PTPRT: variants seen among roughly 807,000 people sequenced by gnomAD.
The protein encoded by PTPRT is receptor-type tyrosine-protein phosphatase T.
A neutral mutation model predicts 176.8 loss-of-function variants in PTPRT; 56 were observed. The observed-to-expected ratio is 0.32, with a 90% CI of 0.26 to 0.40. The LOEUF is 0.40. Among genes scored for constraint, PTPRT ranks in the 10% least tolerant of loss-of-function variants. The pLI is 1.00. For missense variants in PTPRT, 1,540 were observed against 1,908.2 expected (o/e 0.81, Z 3.60); for synonymous variants, 783 against 739.0 (o/e 1.06, Z -0.96).
chr20:42,873,960 C>G (rs1016485509), intron 2 of PTPRT, among the ~76,000 whole-genome samples: 2 of 152,098 alleles, frequency 1.3e-5, no homozygotes, highest in Non-Finnish European at 2.9e-5. Flanking sequence ...ATTCAAATTA[C>G]TATAATAGCC....
intron 16 of PTPRT, among the ~76,000 whole-genome samples, chr20:42,182,090 T>C (rs1024840225): frequency 1.7e-4 from 26 of 152,004 alleles, no homozygotes; most frequent in Admixed American, 6.6e-5. Context: ...TTTCAAAGAA[T>C]AGGAAGGAGG....
chr20:43,125,361 C>T (rs979806795), intron 1 of PTPRT, among the ~76,000 whole-genome samples: 2 of 152,130 alleles, frequency 1.3e-5, no homozygotes. Context: ...CTACCACCCA[C>T]ACTGAATGAA....
chr20:42,986,674 T>G (rs1315887907), intron 1 of PTPRT, among the ~76,000 whole-genome samples: 2 of 152,192 alleles, frequency 1.3e-5, no homozygotes, highest in Non-Finnish European at 2.9e-5. Flanking sequence ...CATGCGTCAC[T>G]CACTGTGGGA....
At chr20:42,895,629 T>C (rs140790854) in intron 1 of PTPRT, among the ~76,000 whole-genome samples, 2 of 152,332 alleles carry the variant, frequency 1.3e-5, no homozygotes, top group East Asian at 1.9e-4. Flanking sequence ...AACAATGTTA[T>C]TGTTGTACAG....
chr20:42,617,189 G>A lies in PTPRT; in HGVS notation c.1153+60677C>T, dbSNP rs1186842697. ...GTCAAAGGCTTTTTCCGCATCTATT[G>A]AGATAATCATGTGGTTTTTGTCTTT... On this transcript the variant is annotated intron_variant, in intron 7 of 30. Coordinates refer to ENST00000373187, the MANE Select transcript of PTPRT (RefSeq NM_007050.6). 5.1e-5 allele frequency among the ~76,000 whole-genome samples: 7 copies of A among 136,580 alleles called. No individual in the cohort carries two copies. In the East Asian group the frequency reaches 1.4e-3, roughly 27 times the overall value. The allele number at this position is 136,580 out of a possible 152,430, so 89.6% of individuals were successfully genotyped here. A position where few individuals can be genotyped will look rare whatever the true frequency, so the allele number is the denominator to read the frequency against.
intron 1 of PTPRT, among the ~76,000 whole-genome samples, chr20:43,014,586 A>C (rs1985288435): frequency 6.6e-6 from 1 of 152,080 alleles, no homozygotes; most frequent in Admixed American, 6.5e-5. Flanking sequence ...ACCAACACTG[A>C]GTTTCAGGGG....
At chr20:42,136,232 CT>C (rs397864699) in intron 18 of PTPRT, among the ~76,000 whole-genome samples, 10,800 of 61,958 alleles carry the variant, frequency 0.17, 213 homozygotes, top group Middle Eastern at 0.25. Flanking sequence ...AAGAACAGTG[CT>C]TTTTTTTTTT....
At chr20:42,359,318 A>G (rs1403460856) in intron 9 of PTPRT, among the ~76,000 whole-genome samples, 1 of 152,112 alleles carries the variant, frequency 6.6e-6, no homozygotes, top group Non-Finnish European at 1.5e-5. Context: ...TTTCAACCAG[A>G]AGCAGAGGAG....
chr20:42,206,466 T>G (rs914921500), intron 15 of PTPRT, among the ~76,000 whole-genome samples: 1 of 152,192 alleles, frequency 6.6e-6, no homozygotes, highest in African/African-American at 2.4e-5. Flanking sequence ...ATTGCCTCAC[T>G]TGGGAAGCGC....
intron 16 of PTPRT, among the ~76,000 whole-genome samples, chr20:42,187,913 T>C (rs1012709187): frequency 1.3e-5 from 2 of 152,252 alleles, no homozygotes; most frequent in African/African-American, 4.8e-5. Context: ...ATTAACTTGC[T>C]GAGTGATCCT....
chr20:43,148,372 G>C (rs1195102663), intron 1 of PTPRT, among the ~76,000 whole-genome samples: 1 of 151,810 alleles, frequency 6.6e-6, no homozygotes, highest in Non-Finnish European at 1.5e-5. Context: ...CCCAACTTTT[G>C]AGGCCTCCTG....
rs1419622616 is a variant in PTPRT, at chr20:42,259,346, G to A, written c.2177-10524C>T. ...CTTTTTTTTATCCATGGAAATAGAGGAAAACAGACTTATTTATGAGCAGTC... is the reference window on the plus strand; with the variant it reads ...CTTTTTTTTATCCATGGAAATAGAGAAAAACAGACTTATTTATGAGCAGTC... On this transcript the variant is annotated intron_variant, in intron 13 of 30. Transcript: ENST00000373187. Among the ~76,000 whole-genome samples the A allele has an allele frequency of 2.6e-5, 4 of 152,160 alleles. No homozygotes were observed. The East Asian group carries it at 7.7e-4, about 29-fold the overall frequency.
chr20:43,027,181 A>C (rs2146189318), intron 1 of PTPRT, among the ~76,000 whole-genome samples: 1 of 152,292 alleles, frequency 6.6e-6, no homozygotes, highest in Non-Finnish European at 1.5e-5. Context: ...AGAGCTGATT[A>C]AATTAGACAG....
chr20:43,174,048 T>C (rs2015068737), intron 1 of PTPRT, among the ~76,000 whole-genome samples: 1 of 152,220 alleles, frequency 6.6e-6, no homozygotes, highest in Non-Finnish European at 1.5e-5. Context: ...AGTCTTAGAA[T>C]TTCCCCAAAG....
intron 1 of PTPRT, among the ~76,000 whole-genome samples, chr20:43,064,530 C>A (rs1987606559): frequency 6.6e-6 from 1 of 152,238 alleles, no homozygotes; most frequent in Non-Finnish European, 1.5e-5. Flanking sequence ...AGAACGTTAA[C>A]ACCTAGCTTA....
At chr20:42,241,615 A>C (rs1473122745) in intron 14 of PTPRT, among the ~76,000 whole-genome samples, 1 of 152,138 alleles carries the variant, frequency 6.6e-6, no homozygotes, top group Non-Finnish European at 1.5e-5. Context: ...ATGGGGAAGA[A>C]AGGTCAGCAG....
chr20:42,111,859 C>T (rs112973286), intron 22 of PTPRT, among the ~76,000 whole-genome samples: 3 of 152,184 alleles, frequency 2.0e-5, no homozygotes, highest in Non-Finnish European at 2.9e-5. Context: ...ACCCAGTTGA[C>T]GGGAGAAGAG....
At chr20:42,908,474 ATCTT>A (rs1201737654) in intron 1 of PTPRT, among the ~76,000 whole-genome samples, 16 of 152,222 alleles carry the variant, frequency 1.1e-4, no homozygotes, top group African/African-American at 1.9e-4. Context: ...TTTATAAATT[ATCTT>A]TCTAACAATA....
At chr20:42,048,730 A>T in the PTPRT span, among the ~76,000 whole-genome samples, 3 of 152,158 alleles carry the variant, frequency 2.0e-5, no homozygotes, top group African/African-American at 7.2e-5. Flanking sequence ...AAGGGGTATG[A>T]CAAGTCATCT....
Sources: gnomAD v4.1 joint callset for allele counts (sites outside exome capture counted in the v4.1 genomes callset) on GRCh38, gnomAD v4.1.1 for gene constraint, MANE v1.5 for transcripts, NCBI Gene and HGNC (gene_info 2026-07-23, HGNC 2026-07-21) for gene names.